The following KIRREL3 variants were observed in gnomAD, a reference collection of about 807,000 sequenced individuals.
KIRREL3 encodes kirre like nephrin family adhesion molecule 3, also known as kin of IRRE-like protein 3.
In KIRREL3, 36 loss-of-function variants were observed where a neutral mutation model predicts 89.7. The observed-to-expected ratio is 0.40, with a 90% confidence interval of 0.31 to 0.53. The LOEUF (loss-of-function observed/expected upper bound fraction) is 0.53. KIRREL3 is among the 20% of genes least tolerant of loss of function. The pLI is 0.49. For missense variants in KIRREL3, 864 were observed against 1,056.6 expected (o/e 0.82, Z 2.53); for synonymous variants, 445 against 441.4 (o/e 1.01, Z -0.10).
chr11:126,650,716 T>C (rs1374982618), intron 1 of KIRREL3, among the ~76,000 whole-genome samples: 32 of 152,202 alleles, frequency 2.1e-4, no homozygotes, highest in Admixed American at 2.1e-3. Context: ...TTTTCGTGTC[T>C]TCTTCTGGGC....
chr11:127,003,179 CG>C (rs1157440646), upstream of KIRREL3: 1 of 152,194 alleles, frequency 6.6e-6, no homozygotes, highest in Non-Finnish European at 1.5e-5. Flanking sequence ...GACCAGGAGG[CG>C]TATCAAGCCT....
In KIRREL3 at chr11:126,743,097, T is replaced by G. The variant is rs138025474; in HGVS notation, c.56-180185A>C. Among the ~76,000 whole-genome samples, 743 of 152,354 alleles carry G rather than the reference T, an allele frequency of 4.9e-3. 6 individuals are homozygous for G. The highest frequency in any genetic ancestry group is 0.017 in the African/African-American group (700 of 41,580). On this transcript the variant is annotated intron_variant, in intron 1 of 16. Coordinates refer to ENST00000525144, the MANE Select transcript of KIRREL3 (RefSeq NM_032531.4). ...CAGATGGAGATATGGGCTTGTTTTC[T>G]GCCCAATGTTAGTATTGTATCTTAT...
rs530068268 is a variant in KIRREL3, at chr11:126,662,217, T to C, written c.56-99305A>G. Among the ~76,000 whole-genome samples, 9 of 152,244 alleles carry C rather than the reference T, an allele frequency of 5.9e-5. No individual in the cohort carries two copies. The South Asian group carries it at 1.9e-3, about 32-fold the overall frequency. ...GCTGAATGGCAGCATTAGGGACCCA[T>C]AAAAGGAAAAATGCATTGCTATGAC... On this transcript the variant is annotated intron_variant, in intron 1 of 16. Coordinates refer to ENST00000525144, the MANE Select transcript of KIRREL3 (RefSeq NM_032531.4).
intron 4 of KIRREL3, among the ~76,000 whole-genome samples, chr11:126,497,027 A>T (rs1438314671): frequency 6.6e-6 from 1 of 152,168 alleles, no homozygotes; most frequent in African/African-American, 2.4e-5. Context: ...TCCAGTGCTT[A>T]GCCAGAGCAG....
rs1029517585 is a variant in KIRREL3, at chr11:126,905,031, G to A, written c.55+95424C>T. 2.0e-5 allele frequency among the ~76,000 whole-genome samples: 3 copies of A among 152,146 alleles called. No homozygotes were observed. Among genetic ancestry groups the A allele is most frequent in the Non-Finnish European group, 2.9e-5 (2 of 68,026 alleles). On this transcript the variant is annotated intron_variant, in intron 1 of 16. Coordinates refer to ENST00000525144, the MANE Select transcript of KIRREL3 (RefSeq NM_032531.4). This position sits in a 1 kb window ranked among gnomAD's most constrained non-coding sequence, Gnocchi z 5.0. Reference sequence around the variant, plus strand: ...TTGTGGCAATGCTTCAGAGGGGAGAGACATTTCAAGAGACTGGGTCATTCC... The same window carrying A: ...TTGTGGCAATGCTTCAGAGGGGAGAAACATTTCAAGAGACTGGGTCATTCC...
In KIRREL3 at chr11:126,454,042, C is replaced by G. The variant is rs149655041; in HGVS notation, c.848+2307G>C. On this transcript the variant is annotated intron_variant, in intron 7 of 16. Coordinates refer to ENST00000525144, the MANE Select transcript of KIRREL3 (RefSeq NM_032531.4). The surrounding 1 kb of genome is among the most constrained non-coding windows in gnomAD (Gnocchi z 5.8). ...TTTTCAGCTTGCAAAAAACAAACTT[C>G]GGAATTACAGAAAAGTTGTAAGAAT... Among the ~76,000 whole-genome samples, 3 of 152,104 alleles carry G rather than the reference C, an allele frequency of 2.0e-5. No individual in the cohort carries two copies. The highest frequency in any genetic ancestry group is 2.9e-5 in the Non-Finnish European group (2 of 68,036).
In KIRREL3 at chr11:126,611,280, A is replaced by C. The variant is rs545081395; in HGVS notation, c.56-48368T>G. Among the ~76,000 whole-genome samples the C allele has an allele frequency of 7.9e-5, 12 of 152,144 alleles. No individual in the cohort carries two copies. In the East Asian group the frequency reaches 2.3e-3, roughly 29 times the overall value. On this transcript the variant is annotated intron_variant, in intron 1 of 16. Coordinates refer to ENST00000525144, the MANE Select transcript of KIRREL3 (RefSeq NM_032531.4). The surrounding 1 kb of genome is among the most constrained non-coding windows in gnomAD (Gnocchi z 4.7). ...CTATTACTGTTGTTCCTACCACCGC[A>C]CCCTCTCCCATTCCTTTCCTTCTCA...
chr11:126,692,664 A>G (rs1019383697), intron 1 of KIRREL3, among the ~76,000 whole-genome samples: 2 of 152,234 alleles, frequency 1.3e-5, no homozygotes, highest in Non-Finnish European at 2.9e-5. Context: ...AGCTTTAAAA[A>G]GGAAGGAAAA....
chr11:126,975,434 A>G lies in KIRREL3; in HGVS notation c.55+25021T>C, dbSNP rs184585181. 6.4e-3 allele frequency among the ~76,000 whole-genome samples: 981 copies of G among 152,236 alleles called. 5 individuals carry two copies. The highest frequency in any genetic ancestry group is 0.017 in the Middle Eastern group (5 of 294). ...CCCCCTGAAATTTCCTTAAATAAGT[A>G]TTTGCTGACCACCTACTGTGTGCCA... is the stretch of plus-strand genomic sequence containing the variant. On this transcript the variant is annotated intron_variant, in intron 1 of 16. Coordinates refer to ENST00000525144, the MANE Select transcript of KIRREL3 (RefSeq NM_032531.4).
chr11:126,989,253 C>T lies in KIRREL3; in HGVS notation c.55+11202G>A, dbSNP rs541857266. The stretch of plus-strand genomic sequence containing the variant: ...TGCTGAAGAAGTCACCTGGAATTTG[C>T]TAGTAGAACTATCAGTAAAATGAAG... On this transcript the variant is annotated intron_variant, in intron 1 of 16. Transcript: ENST00000525144. This position sits in a 1 kb window ranked among gnomAD's most constrained non-coding sequence, Gnocchi z 6.2. 1.3e-5 allele frequency among the ~76,000 whole-genome samples: 2 copies of T among 152,280 alleles called. No individual in the cohort carries two copies. Among genetic ancestry groups the T allele is most frequent in the South Asian group, 4.2e-4 (2 of 4,818 alleles).
In KIRREL3 at chr11:126,985,625, G is replaced by A. The variant is rs1029357123; in HGVS notation, c.55+14830C>T. Among the ~76,000 whole-genome samples the A allele has an allele frequency of 6.6e-6, 1 of 152,112 alleles. No individual in the cohort carries two copies. Among genetic ancestry groups the A allele is most frequent in the Non-Finnish European group, 1.5e-5 (1 of 68,020 alleles). On this transcript the variant is annotated intron_variant, in intron 1 of 16. Coordinates refer to ENST00000525144, the MANE Select transcript of KIRREL3 (RefSeq NM_032531.4). The surrounding 1 kb of genome is among the most constrained non-coding windows in gnomAD (Gnocchi z 5.3). ...GAGGGACAGGAGGCACGAGGGAGCA[G>A]AGCACATTCGGACAATGTCAGCGGC...
chr11:126,951,500 C>T (rs1348483544), intron 1 of KIRREL3, among the ~76,000 whole-genome samples: 3 of 152,080 alleles, frequency 2.0e-5, no homozygotes, highest in Admixed American at 1.3e-4. Context: ...AGGAGATTAT[C>T]GGGGGTATCT....
In KIRREL3 at chr11:126,520,155, A is replaced by C. The variant is rs1373187762; in HGVS notation, c.433+1160T>G. ...CTTTGGCCATGTAGATCTGAAGATA[A>C]CCTGACATGCTTTTAAATATTTCAT... On this transcript the variant is annotated intron_variant, in intron 4 of 16. Transcript: ENST00000525144. This position sits in a 1 kb window ranked among gnomAD's most constrained non-coding sequence, Gnocchi z 4.9. Among the ~76,000 whole-genome samples the C allele has an allele frequency of 2.6e-5, 4 of 152,182 alleles. No homozygotes were observed. In the East Asian group the frequency reaches 7.7e-4, roughly 29 times the overall value.
intron 1 of KIRREL3, among the ~76,000 whole-genome samples, chr11:126,822,483 A>G (rs1026178641): frequency 1.9e-4 from 7 of 37,656 alleles, no homozygotes; most frequent in African/African-American, 1.7e-3. Context: ...CTGTTTTAAT[A>G]GGAATTTATG....
At chr11:126,901,247 C>T (rs1367427867) in intron 1 of KIRREL3, among the ~76,000 whole-genome samples, 1 of 149,578 alleles carries the variant, frequency 6.7e-6, no homozygotes, top group Non-Finnish European at 1.5e-5. Flanking sequence ...CTGGGATATT[C>T]CTATAACCAG....
In KIRREL3 at chr11:126,953,645, C is replaced by A. The variant is rs1793671; in HGVS notation, c.55+46810G>T. On this transcript the variant is annotated intron_variant, in intron 1 of 16. Transcript: ENST00000525144. The surrounding 1 kb of genome is among the most constrained non-coding windows in gnomAD (Gnocchi z 5.2). ...GACAGAGAGAGAGAACGACCAAGTA[C>A]GATGACAAGATAAAAAGGCTGATTG... Among the ~76,000 whole-genome samples the A allele has an allele frequency of 0.89, 134,527 of 151,604 alleles. 59,808 individuals carry two copies. The highest frequency in any genetic ancestry group is 0.96 in the Middle Eastern group (282 of 294).
chr11:126,577,530 T>C (rs1338843938), intron 1 of KIRREL3, among the ~76,000 whole-genome samples: 2 of 144,268 alleles, frequency 1.4e-5, no homozygotes, highest in African/African-American at 2.6e-5. Flanking sequence ...GTGGATCACC[T>C]GAGGTCAGGA....
chr11:126,526,742 G>A lies in KIRREL3; in HGVS notation c.134-55C>T, dbSNP rs768485046. ...TATCTGCCGGCTACAGGGGCGAGAAGGCTCCCCTCCAGCTATGGAAGCAGA... is the reference window on the plus strand; with the variant it reads ...TATCTGCCGGCTACAGGGGCGAGAAAGCTCCCCTCCAGCTATGGAAGCAGA... On this transcript the variant is annotated intron_variant, in intron 2 of 16. Transcript: ENST00000525144. The surrounding 1 kb of genome is among the most constrained non-coding windows in gnomAD (Gnocchi z 5.7). 4.3e-5 allele frequency: 66 copies of A among 1,521,190 alleles called. No individual in the cohort carries two copies. Among genetic ancestry groups the A allele is most frequent in the Non-Finnish European group, 5.3e-5 (60 of 1,122,862 alleles). The allele number at this position is 1,521,190 out of a possible 1,614,324, so 94.2% of individuals were successfully genotyped here.
rs201642786 is a variant in KIRREL3 at position 126,435,232 on chromosome 11, C to G, written c.1588+36G>C. The G allele has an allele frequency of 1.8e-4, 289 of 1,611,576 alleles. 2 individuals carry two copies. Among genetic ancestry groups the G allele is most frequent in the Middle Eastern group, 3.3e-4 (2 of 6,080 alleles). Reference sequence around the variant, plus strand: ...CAGCTAGCCAGGAAGTCCCTTCCCCCCTTCCCAGGGCCATTCTCATCATCT... The same window carrying G: ...CAGCTAGCCAGGAAGTCCCTTCCCCGCTTCCCAGGGCCATTCTCATCATCT... On this transcript the variant is annotated intron_variant, in intron 13 of 16. Transcript: ENST00000525144.
Sources: gnomAD v4.1 joint callset for allele counts (sites outside exome capture counted in the v4.1 genomes callset) on GRCh38, gnomAD v4.1.1 for gene constraint, Gnocchi (gnomAD v3.1) non-coding constraint, MANE v1.5 for transcripts, NCBI Gene and HGNC (gene_info 2026-07-23, HGNC 2026-07-21) for gene names.